The following USP3 variants were observed in gnomAD, a reference collection of about 807,000 sequenced individuals.
The protein encoded by USP3 is ubiquitin specific peptidase 3.
Under a neutral mutation model 72.3 loss-of-function variants are expected in USP3, and 20 were observed. That is an observed-to-expected ratio of 0.28 (90% CI 0.19 to 0.40). The LOEUF (loss-of-function observed/expected upper bound fraction) is 0.40. Among genes scored for constraint, USP3 ranks in the 10% least tolerant of loss-of-function variants. The probability of loss-of-function intolerance (pLI) is 1.00; values close to 1 mark genes in which losing one functional copy is unlikely to be tolerated. For missense variants in USP3, 479 were observed against 633.9 expected (o/e 0.76, Z 2.62); for synonymous variants, 222 against 225.3 (o/e 0.99, Z 0.13).
At position 63,591,473 on chromosome 15, in the gene USP3, CTCTT is replaced by C. The variant is rs569470403; in HGVS notation, c.*649_*652del. ...TTGTCCTGCAAATACAAGAATTACTCTCTTTGTTGGTTTTTTTGGTTTTGGGGCA... is the reference window on the plus strand; with the variant it reads ...TTGTCCTGCAAATACAAGAATTACTCTGTTGGTTTTTTTGGTTTTGGGGCA... On this transcript the variant is annotated 3_prime_UTR_variant, in exon 15 of 15. Transcript: ENST00000380324. The C allele has an allele frequency of 6.6e-6, 1 of 152,142 alleles. No homozygotes were observed. Among genetic ancestry groups the C allele is most frequent in the Non-Finnish European group, 1.5e-5 (1 of 68,042 alleles). The allele number at this position is 152,142 out of a possible 1,614,324, so 9.4% of individuals were successfully genotyped here. A position where few individuals can be genotyped will look rare whatever the true frequency, so the allele number is the denominator to read the frequency against.
At chr15:63,547,761 GGAGAGA>G (rs1180675814) in intron 3 of USP3, among the ~76,000 whole-genome samples, 4 of 4,468 alleles carry the variant, frequency 9.0e-4, no homozygotes, top group African/African-American at 3.1e-3. Flanking sequence ...AGGGAGGGAG[GGAGAGA>G]GAGAGAGAGA....
intron 11 of USP3, among the ~76,000 whole-genome samples, chr15:63,580,674 T>TATATATATATATATATA (rs1566917047): frequency 2.3e-5 from 3 of 131,130 alleles, no homozygotes; most frequent in African/African-American, 6.2e-5. Context: ...TATATATGAA[T>TATATATATATATATATA]ATATAATATA....
intron 1 of USP3, among the ~76,000 whole-genome samples, chr15:63,518,654 T>C (rs2065880751): frequency 6.6e-6 from 1 of 152,180 alleles, no homozygotes; most frequent in Non-Finnish European, 1.5e-5. Context: ...GTCGTTCACA[T>C]TTTGCCTCAT....
At position 63,506,754 on chromosome 15, in the gene USP3, G is replaced by T. The variant is rs149901343; in HGVS notation, c.91+1924G>T. Among the ~76,000 whole-genome samples, 220 of 152,306 alleles carry T rather than the reference G, an allele frequency of 1.4e-3. 1 individual carries two copies. In the South Asian group the frequency reaches 0.017, roughly 11 times the overall value. On this transcript the variant is annotated intron_variant, in intron 1 of 14. Coordinates refer to ENST00000380324, the MANE Select transcript of USP3 (RefSeq NM_006537.4). ...TATGTGGGGTGATTTCTGTTCAAGGGGTAGGATGACATCTTTGCATCTTGC... is the reference window on the plus strand; with the variant it reads ...TATGTGGGGTGATTTCTGTTCAAGGTGTAGGATGACATCTTTGCATCTTGC...
chr15:63,527,258 A>G (rs568257643), intron 1 of USP3, among the ~76,000 whole-genome samples: 2 of 152,186 alleles, frequency 1.3e-5, no homozygotes, highest in Non-Finnish European at 2.9e-5. Flanking sequence ...TTCATTTTAC[A>G]CTAAGGAAAT....
rs187987965 is a variant in USP3 at position 63,504,616 on chromosome 15, G to A, written c.-124G>A. 1.3e-5 allele frequency: 10 copies of A among 783,474 alleles called. No homozygotes were observed. Among genetic ancestry groups the A allele is most frequent in the African/African-American group, 1.1e-4 (6 of 54,968 alleles). The allele number at this position is 783,474 out of a possible 1,614,324, so 48.5% of individuals were successfully genotyped here. ...TGCTTTCTTTGACGCAAGGGCTCGA[G>A]ACGCAGCCGCCGTCGGCCGAGCGCC... On this transcript the variant is annotated 5_prime_UTR_variant, in exon 1 of 15. Transcript: ENST00000380324.
chr15:63,554,608 A>G (rs2066482265), intron 4 of USP3, among the ~76,000 whole-genome samples: 1 of 152,220 alleles, frequency 6.6e-6, no homozygotes, highest in Admixed American at 6.5e-5. Flanking sequence ...ACATCCACAA[A>G]GCAGGAGTCC....
chr15:63,535,110 T>C (rs1438658283), intron 2 of USP3, among the ~76,000 whole-genome samples: 8 of 152,126 alleles, frequency 5.3e-5, no homozygotes, highest in African/African-American at 1.9e-4. Context: ...GTTGTATTTT[T>C]AGTAGAGATG....
intron 3 of USP3, among the ~76,000 whole-genome samples, chr15:63,545,970 C>CAAAAAAAAAA (rs60122671): frequency 2.9e-5 from 2 of 68,850 alleles, no homozygotes; most frequent in Non-Finnish European, 5.0e-5. Flanking sequence ...GACCTTGTCT[C>CAAAAAAAAAA]AAAAAAAAAA....
intron 11 of USP3, among the ~76,000 whole-genome samples, chr15:63,582,827 G>T (rs2066987254): frequency 6.6e-6 from 1 of 152,180 alleles, no homozygotes; most frequent in South Asian, 2.1e-4. Flanking sequence ...AAGGAGCAGG[G>T]TGATGGCAGG....
intron 9 of USP3, among the ~76,000 whole-genome samples, chr15:63,573,603 T>C (rs1421530399): frequency 6.6e-6 from 1 of 152,204 alleles, no homozygotes; most frequent in Non-Finnish European, 1.5e-5. Context: ...TCTAAAACTA[T>C]CTCAGATCAA....
chr15:63,589,041 G>A, intron 14 of USP3, 30 bp downstream of exon 14: 1 of 1,612,020 alleles, frequency 6.2e-7, no homozygotes, highest in Non-Finnish European at 8.5e-7. Context: ...TCTGGTGGGT[G>A]GGAATACCTG....
In USP3 at chr15:63,574,012, CTGAGA is replaced by C. The variant is rs781271967; in HGVS notation, c.909-32_909-28del. 4.8e-6 allele frequency: 7 copies of C among 1,443,370 alleles called. No homozygotes were observed. In the South Asian group the frequency reaches 9.1e-5, roughly 19 times the overall value. 89.4% of individuals were successfully genotyped at this position (1,443,370 alleles called of 1,614,324 possible). On this transcript the variant is annotated intron_variant, in intron 9 of 14. Transcript: ENST00000380324. The surrounding 1 kb of genome is among the most constrained non-coding windows in gnomAD (Gnocchi z 4.6). ...TAAATGTCAAAGAGATGGCTTCTTA[CTGAGA>C]TATTTTCCTGTGTGGTGATTTTGTT...
chr15:63,559,154 A>G (rs896954513), intron 6 of USP3, among the ~76,000 whole-genome samples: 2 of 152,250 alleles, frequency 1.3e-5, no homozygotes, highest in Non-Finnish European at 2.9e-5. Flanking sequence ...TAGCGTTCCA[A>G]TAATGGAACA....
chr15:63,526,533 A>G (rs77912104), intron 1 of USP3, among the ~76,000 whole-genome samples: 18,909 of 152,208 alleles, frequency 0.12, 1,595 homozygotes, highest in South Asian at 0.19. Context: ...ATGTTTCCTT[A>G]TGGGTTGCTA....
chr15:63,564,974 G>A (rs919401219), intron 8 of USP3, among the ~76,000 whole-genome samples: 8 of 152,162 alleles, frequency 5.3e-5, no homozygotes, highest in Non-Finnish European at 1.0e-4. Flanking sequence ...TACCCTGTGA[G>A]GTATGCAGGT....
At chr15:63,567,410 G>A (rs991896645) in intron 8 of USP3, among the ~76,000 whole-genome samples, 2 of 144,344 alleles carry the variant, frequency 1.4e-5, no homozygotes, top group Admixed American at 7.2e-5. Context: ...GCAGTGGCAC[G>A]ATCTCGGCTC....
Position 63,553,871 on chromosome 15 carries a change from G to T in USP3, c.368+73G>T. On this transcript the variant is annotated intron_variant, in intron 4 of 14. Coordinates refer to ENST00000380324, the MANE Select transcript of USP3 (RefSeq NM_006537.4). This position sits in a 1 kb window ranked among gnomAD's most constrained non-coding sequence, Gnocchi z 4.2. ...GGAGTCTTTTAGAATTTTTGAGTGG[G>T]GTTTTTGTTGATGAGTTTAATAACT... is the stretch of plus-strand genomic sequence containing the variant. 1 of 1,153,060 alleles carries T rather than the reference G, an allele frequency of 8.7e-7. No homozygotes were observed. Among genetic ancestry groups the T allele is most frequent in the Non-Finnish European group, 1.2e-6 (1 of 807,996 alleles). 71.4% of individuals were successfully genotyped at this position (1,153,060 alleles called of 1,614,324 possible). A position where few individuals can be genotyped will look rare whatever the true frequency, so the allele number is the denominator to read the frequency against.
Position 63,553,936 on chromosome 15 carries a change from C to T in USP3, c.368+138C>T, listed in dbSNP as rs1481762048. Reference sequence around the variant, plus strand: ...TGATTGAAATGTTAATAAAATAAACCTTGGCTTTGGATAGCTAAAACTTGG... The same window carrying T: ...TGATTGAAATGTTAATAAAATAAACTTTGGCTTTGGATAGCTAAAACTTGG... On this transcript the variant is annotated intron_variant, in intron 4 of 14. Transcript: ENST00000380324. This position sits in a 1 kb window ranked among gnomAD's most constrained non-coding sequence, Gnocchi z 4.2. 2 of 656,526 alleles carry T rather than the reference C, an allele frequency of 3.0e-6. No individual in the cohort carries two copies. The highest frequency in any genetic ancestry group is 4.8e-6 in the Non-Finnish European group (2 of 416,908). The allele number at this position is 656,526 out of a possible 1,614,324, so 40.7% of individuals were successfully genotyped here.
Sources: allele counts gnomAD v4.1 joint callset (sites outside exome capture counted in the v4.1 genomes callset), GRCh38; gene constraint gnomAD v4.1.1; non-coding constraint Gnocchi (gnomAD v3.1); transcripts MANE v1.5; gene names NCBI Gene and HGNC (gene_info 2026-07-23, HGNC 2026-07-21).